Variants in NR3C2 observed in about 807,000 individuals in gnomAD.
The protein encoded by NR3C2 is nuclear receptor subfamily 3 group C member 2, also known as mineralocorticoid receptor.
In NR3C2, 15 loss-of-function variants were observed where a neutral mutation model predicts 86.4. That is an observed-to-expected ratio of 0.17 (90% CI 0.12 to 0.27). The LOEUF is 0.27. Among genes scored for constraint, NR3C2 ranks in the 10% least tolerant of loss-of-function variants. The pLI, the probability that NR3C2 is intolerant of heterozygous loss-of-function variation, is 1.00. For synonymous variants in NR3C2, 458 were observed against 450.5 expected (o/e 1.02, Z -0.21); for missense variants, 960 against 1,195.6 (o/e 0.80, Z 2.91).
At position 148,343,415 on chromosome 4, in the gene NR3C2, C is replaced by CT. The variant is rs1233494881; in HGVS notation, c.1758-83299dup. On this transcript the variant is annotated intron_variant, in intron 2 of 8. Coordinates refer to ENST00000358102, the MANE Select transcript of NR3C2 (RefSeq NM_000901.5). ...GGGATATCCGCCCCCCCGACCCCCC[C>CT]TTTTTTTTAAATGTACTTAAACTTC... Among the ~76,000 whole-genome samples the CT allele has an allele frequency of 2.8e-4, 42 of 150,772 alleles. No homozygotes were observed. The East Asian group carries it at 5.3e-3, about 19-fold the overall frequency.
At chr4:148,343,127 G>C (rs1393112990) in intron 2 of NR3C2, among the ~76,000 whole-genome samples, 1 of 152,128 alleles carries the variant, frequency 6.6e-6, no homozygotes, top group Non-Finnish European at 1.5e-5. Context: ...ACTCAGGAAA[G>C]ATTACTAAGC....
intron 3 of NR3C2, among the ~76,000 whole-genome samples, chr4:148,216,896 C>A (rs1737567188): frequency 6.6e-6 from 1 of 152,138 alleles, no homozygotes; most frequent in African/African-American, 2.4e-5. Context: ...ACAGATCAGA[C>A]CCACAAGCAG....
At chr4:148,440,798 G>A (rs1750301940) in intron 1 of NR3C2, among the ~76,000 whole-genome samples, 1 of 152,002 alleles carries the variant, frequency 6.6e-6, no homozygotes, top group Non-Finnish European at 1.5e-5. Context: ...ACTTTTTTCG[G>A]GAATATTAAC....
chr4:148,141,436 TCC>T (rs1553989342), intron 6 of NR3C2, among the ~76,000 whole-genome samples: 5 of 118,780 alleles, frequency 4.2e-5, no homozygotes, highest in Non-Finnish European at 9.9e-5. Flanking sequence ...TCTCTCTCTC[TCC>T]CTCTCTCTCA....
intron 3 of NR3C2, among the ~76,000 whole-genome samples, chr4:148,209,912 G>T (rs1288420024): frequency 1.3e-5 from 2 of 152,136 alleles, no homozygotes; most frequent in Non-Finnish European, 2.9e-5. Flanking sequence ...TGATCAATTT[G>T]CTTAGGGCAC....
intron 2 of NR3C2, among the ~76,000 whole-genome samples, chr4:148,270,434 C>T (rs1445621852): frequency 3.3e-5 from 5 of 152,214 alleles, no homozygotes; most frequent in African/African-American, 2.4e-5. Context: ...TACATGAGAA[C>T]ACATTTACAG....
chr4:148,321,547 T>G lies in NR3C2; in HGVS notation c.1758-61430A>C, dbSNP rs1004124993. Among the ~76,000 whole-genome samples, 909 of 152,300 alleles carry G rather than the reference T, an allele frequency of 6.0e-3. 7 individuals are homozygous for G. The highest frequency in any genetic ancestry group is 0.02 in the African/African-American group (833 of 41,564). On this transcript the variant is annotated intron_variant, in intron 2 of 8. Transcript: ENST00000358102. ...TGTAGGTCACTCAGGACTTGCTTCA[T>G]GAATCTTGGTGCTCCTGTATTGGGT...
chr4:148,400,713 G>A (rs1184023202), intron 2 of NR3C2, among the ~76,000 whole-genome samples: 1 of 151,104 alleles, frequency 6.6e-6, no homozygotes, highest in Non-Finnish European at 1.5e-5. Context: ...GGGAGGCGGA[G>A]GTTGTGGTGA....
chr4:148,367,285 A>G (rs1422825181), intron 2 of NR3C2, among the ~76,000 whole-genome samples: 4 of 152,234 alleles, frequency 2.6e-5, no homozygotes, highest in Non-Finnish European at 5.9e-5. Flanking sequence ...GCTTGAGCCA[A>G]TATAGCAACC....
chr4:148,406,340 A>G (rs1234081178), intron 2 of NR3C2, among the ~76,000 whole-genome samples: 1 of 152,198 alleles, frequency 6.6e-6, no homozygotes, highest in Non-Finnish European at 1.5e-5. Flanking sequence ...AGTGGTAAGT[A>G]TAGAGAAGGG....
At chr4:148,398,155 C>T (rs2126519565) in intron 2 of NR3C2, among the ~76,000 whole-genome samples, 1 of 152,304 alleles carries the variant, frequency 6.6e-6, no homozygotes, top group South Asian at 2.1e-4. Flanking sequence ...ATTCCCTCAT[C>T]CTGAGACCCT....
intron 6 of NR3C2, among the ~76,000 whole-genome samples, chr4:148,138,810 A>T (rs1401893541): frequency 1.3e-5 from 2 of 152,226 alleles, no homozygotes; most frequent in Non-Finnish European, 2.9e-5. Flanking sequence ...TGAGAGGTGG[A>T]GCCTAATAAC....
intron 6 of NR3C2, among the ~76,000 whole-genome samples, chr4:148,130,798 TG>T (rs1732989922): frequency 1.5e-4 from 9 of 60,412 alleles, no homozygotes; most frequent in African/African-American, 3.5e-4. Flanking sequence ...TTTTTTTTTT[TG>T]TTTTGTTTTG....
chr4:148,410,600 G>T (rs899236391), intron 2 of NR3C2, among the ~76,000 whole-genome samples: 2 of 152,072 alleles, frequency 1.3e-5, no homozygotes, highest in Non-Finnish European at 1.5e-5. Flanking sequence ...AATACAACCT[G>T]GTGTCTTGTG....
intron 2 of NR3C2, among the ~76,000 whole-genome samples, chr4:148,413,773 T>C (rs1312463176): frequency 6.6e-6 from 1 of 152,280 alleles, no homozygotes; most frequent in East Asian, 1.9e-4. Flanking sequence ...TTACAAATGA[T>C]ACACTACTTC....
intron 8 of NR3C2, among the ~76,000 whole-genome samples, chr4:148,106,718 C>A (rs1015151077): frequency 2.6e-5 from 4 of 152,050 alleles, no homozygotes; most frequent in Non-Finnish European, 4.4e-5. Flanking sequence ...TGCACATCTA[C>A]AACCATCTTT....
intron 2 of NR3C2, among the ~76,000 whole-genome samples, chr4:148,261,219 CCTATGGTGCACTATGGTAAGCG>C (rs1239298014): frequency 8.3e-4 from 121 of 145,390 alleles, no homozygotes; most frequent in Non-Finnish European, 1.3e-3. Context: ...TATGGTAAGC[CCTATGGTGCACTATGGTAAGCG>C]CTATGGTGCA....
chr4:148,408,985 A>C (rs1460521564), intron 2 of NR3C2, among the ~76,000 whole-genome samples: 1 of 152,166 alleles, frequency 6.6e-6, no homozygotes, highest in African/African-American at 2.4e-5. Flanking sequence ...ACTTTGTTGA[A>C]TAATTCTCCT....
chr4:148,262,066 A>G (rs867035960), intron 2 of NR3C2, among the ~76,000 whole-genome samples: 1 of 152,210 alleles, frequency 6.6e-6, no homozygotes, highest in Non-Finnish European at 1.5e-5. Flanking sequence ...CTTCTTCAAC[A>G]TATTAGCCAG....
Sources: gnomAD v4.1 joint callset for allele counts (sites outside exome capture counted in the v4.1 genomes callset) on GRCh38, gnomAD v4.1.1 for gene constraint, MANE v1.5 for transcripts, NCBI Gene and HGNC (gene_info 2026-07-23, HGNC 2026-07-21) for gene names.